The following KLRG1 variants were observed in gnomAD, a reference collection of about 807,000 sequenced individuals.
KLRG1 encodes the protein killer cell lectin-like receptor subfamily G member 1.
Under a neutral mutation model 21.8 loss-of-function variants are expected in KLRG1, and 16 were observed. The observed-to-expected ratio is 0.73, with a 90% CI of 0.50 to 1.11. The LOEUF is 1.11. Among genes scored for constraint, KLRG1 ranks in the 50% most tolerant of loss-of-function variants. The pLI is 0.00. For missense variants in KLRG1, 173 were observed against 218.3 expected, an observed-to-expected ratio of 0.79 and a Z score of 1.31; for synonymous variants, 69 against 75.9, an observed-to-expected ratio of 0.91 and a Z score of 0.47.
chr12:9,067,242 C>G, the KLRG1 span: 2 of 156,112 alleles, frequency 1.3e-5, no homozygotes, highest in African/African-American at 2.4e-5. Context: ...TTCAGCTCAT[C>G]TATTATTGAA....
chr12:9,168,566 C>T, the KLRG1 span: 1 of 253,650 alleles, frequency 3.9e-6, no homozygotes, highest in Non-Finnish European at 7.4e-6. Flanking sequence ...AATGTCTTTC[C>T]TGTTTCCATA....
chr12:9,180,896 A>G, the KLRG1 span: 36 of 1,435,446 alleles, frequency 2.5e-5, no homozygotes, highest in African/African-American at 3.2e-4. Context: ...TTCGCAACCT[A>G]CTCATCTGAC....
At chr12:9,166,447 A>T in the KLRG1 span, among the ~76,000 whole-genome samples, 1 of 152,206 alleles carries the variant, frequency 6.6e-6, no homozygotes, top group Non-Finnish European at 1.5e-5. Flanking sequence ...TGGAAGCTGG[A>T]AAAACGAGAT....
chr12:9,100,774 A>G, the KLRG1 span, among the ~76,000 whole-genome samples: 1 of 152,228 alleles, frequency 6.6e-6, no homozygotes, highest in Non-Finnish European at 1.5e-5. Flanking sequence ...ACCAAACATC[A>G]TATCTTCTCA....
chr12:8,958,768 G>A (rs1946336049), intron 1 of KLRG1, among the ~76,000 whole-genome samples: 1 of 151,752 alleles, frequency 6.6e-6, no homozygotes. Flanking sequence ...AAAGTGGGAG[G>A]ATCGCTTGAG....
the KLRG1 span, chr12:9,151,823 A>G: frequency 1.7e-6 from 1 of 605,558 alleles, no homozygotes; most frequent in East Asian, 2.8e-5. Flanking sequence ...CAATTCTTCA[A>G]TATCCAAGTA....
At chr12:9,089,151 T>G in the KLRG1 span, 1 of 1,380,724 alleles carries the variant, frequency 7.2e-7, no homozygotes, top group East Asian at 2.5e-5. Context: ...TCTTTGAACT[T>G]TAAATGTTAG....
the KLRG1 span, among the ~76,000 whole-genome samples, chr12:9,186,367 TAAC>T: frequency 3.3e-5 from 5 of 152,162 alleles, 1 homozygote; most frequent in East Asian, 9.6e-4. Context: ...GACAAACAGC[TAAC>T]AACATGATGG....
intron 1 of KLRG1, among the ~76,000 whole-genome samples, chr12:8,954,663 C>T (rs776167530): frequency 6.6e-6 from 1 of 152,150 alleles, no homozygotes; most frequent in South Asian, 2.1e-4. Context: ...GTGTTTGTTG[C>T]TACTTGTGTG....
chr12:9,174,553 T>A, the KLRG1 span, among the ~76,000 whole-genome samples: 3 of 152,248 alleles, frequency 2.0e-5, no homozygotes, highest in South Asian at 6.2e-4. Context: ...ATTTTATATC[T>A]AGAAAACCCC....
the KLRG1 span, among the ~76,000 whole-genome samples, chr12:9,140,091 G>T: frequency 6.6e-6 from 1 of 152,156 alleles, no homozygotes; most frequent in Non-Finnish European, 1.5e-5. Context: ...GAATGTTTCT[G>T]GTCAGAGATG....
the KLRG1 span, among the ~76,000 whole-genome samples, chr12:9,021,618 A>G: frequency 2.0e-5 from 3 of 151,850 alleles, no homozygotes; most frequent in Non-Finnish European, 4.4e-5. Context: ...ATACAAACAC[A>G]TTGTGCAGTT....
chr12:9,104,279 A>G, the KLRG1 span: 2 of 1,613,112 alleles, frequency 1.2e-6, no homozygotes, highest in Admixed American at 1.7e-5. Context: ...GGTGGTGTTG[A>G]TAGAGAACTG....
chr12:9,105,053 C>T, the KLRG1 span, among the ~76,000 whole-genome samples: 1 of 152,166 alleles, frequency 6.6e-6, no homozygotes, highest in African/African-American at 2.4e-5. Context: ...AAAAGAGGCA[C>T]ACAGTATTAA....
At chr12:9,112,131 C>G in the KLRG1 span, 1 of 1,611,222 alleles carries the variant, frequency 6.2e-7, no homozygotes. Context: ...TACAGACAAT[C>G]ATTTTATGTA....
At chr12:8,957,984 A>G (rs1946322935) in intron 1 of KLRG1, among the ~76,000 whole-genome samples, 1 of 152,172 alleles carries the variant, frequency 6.6e-6, no homozygotes, top group Non-Finnish European at 1.5e-5. Context: ...CATCTTATTC[A>G]TTCCCTTTTG....
the KLRG1 span, among the ~76,000 whole-genome samples, chr12:9,125,304 C>T: frequency 6.6e-6 from 1 of 152,280 alleles, no homozygotes; most frequent in Non-Finnish European, 1.5e-5. Flanking sequence ...TGTCTGGGTA[C>T]CTCATTCTTA....
At chr12:9,139,931 A>G in the KLRG1 span, among the ~76,000 whole-genome samples, 1 of 152,136 alleles carries the variant, frequency 6.6e-6, no homozygotes, top group Non-Finnish European at 1.5e-5. Flanking sequence ...CAGGCTTGGA[A>G]TGTTTCTGTG....
the KLRG1 span, chr12:9,101,211 C>CA: frequency 6.4e-7 from 1 of 1,555,774 alleles, no homozygotes; most frequent in Non-Finnish European, 8.7e-7. Flanking sequence ...CCATTATCTG[C>CA]AAAAAAGGAA....
Sources: gnomAD v4.1 joint callset for allele counts (sites outside exome capture counted in the v4.1 genomes callset) on GRCh38, gnomAD v4.1.1 for gene constraint, MANE v1.5 for transcripts, NCBI Gene and HGNC (gene_info 2026-07-23, HGNC 2026-07-21) for gene names.